PLOD2: variants seen among roughly 807,000 people sequenced by gnomAD.
PLOD2 encodes lysine hydroxylase 2.
Under a neutral mutation model 101.0 loss-of-function variants are expected in PLOD2, and 65 were observed. That is an observed-to-expected ratio of 0.64 (90% CI 0.53 to 0.79). PLOD2 has a LOEUF of 0.79. PLOD2 is among the 30% of genes least tolerant of loss of function. The pLI is 0.00. For missense variants in PLOD2, 909 were observed against 914.6 expected, an observed-to-expected ratio of 0.99 and a Z score of 0.08; for synonymous variants, 314 against 302.9, an observed-to-expected ratio of 1.04 and a Z score of -0.38.
At chr3:146,087,057 G>T (rs985818873) in intron 9 of PLOD2, 149 bp from the exon 10 acceptor site, 2 of 437,590 alleles carry the variant, frequency 4.6e-6, no homozygotes, top group African/African-American at 4.1e-5. Flanking sequence ...ATTAAACACG[G>T]TATATTTAAA....
At chr3:146,087,731 G>A (rs552732840) in intron 9 of PLOD2, among the ~76,000 whole-genome samples, 16 of 151,762 alleles carry the variant, frequency 1.1e-4, no homozygotes, top group Admixed American at 5.9e-4. Context: ...CCCCATGAAA[G>A]CAGGGAAAAT....
intron 3 of PLOD2, among the ~76,000 whole-genome samples, chr3:146,118,177 T>C (rs1028239232): frequency 2.6e-5 from 4 of 152,160 alleles, no homozygotes; most frequent in African/African-American, 9.7e-5. Context: ...TCTACAGAGC[T>C]ATTTTAATGA....
At chr3:146,092,018 TTCTACTAATATA>T (rs1936991581) in intron 7 of PLOD2, 117 bp from the exon 8 acceptor site, 1 of 685,070 alleles carries the variant, frequency 1.5e-6, no homozygotes, top group Non-Finnish European at 2.7e-6. Context: ...CCTTTAGTAA[TTCTACTAATATA>T]TCATCTGTAG....
chr3:146,129,735 C>T (rs1438789233), intron 1 of PLOD2, among the ~76,000 whole-genome samples: 3 of 152,100 alleles, frequency 2.0e-5, no homozygotes, highest in Non-Finnish European at 4.4e-5. Context: ...AGATGCTATC[C>T]AGATTGTTTT....
At chr3:146,100,070 G>A (rs974818600) in intron 7 of PLOD2, among the ~76,000 whole-genome samples, 3 of 151,680 alleles carry the variant, frequency 2.0e-5, no homozygotes, top group Non-Finnish European at 4.4e-5. Flanking sequence ...TAGTAGAGAC[G>A]GGGTTTCACC....
At chr3:146,142,830 CTT>C (rs566812925) in intron 1 of PLOD2, among the ~76,000 whole-genome samples, 41 of 152,232 alleles carry the variant, frequency 2.7e-4, no homozygotes, top group Non-Finnish European at 5.1e-4. Flanking sequence ...ATTCCAATCT[CTT>C]GTCAAACCAA....
At chr3:146,101,059 A>C (rs1937373169) in intron 7 of PLOD2, among the ~76,000 whole-genome samples, 1 of 152,056 alleles carries the variant, frequency 6.6e-6, no homozygotes, top group Non-Finnish European at 1.5e-5. Flanking sequence ...CCAAAACAAA[A>C]CCCAGGTTCT....
intron 2 of PLOD2, chr3:146,123,298 A>G: frequency 1.7e-6 from 2 of 1,183,128 alleles, no homozygotes; most frequent in Non-Finnish European, 2.1e-6. Flanking sequence ...TTATTTGTAG[A>G]AAAGACTTGG....
chr3:146,106,982 G>A (rs1286800142), intron 4 of PLOD2, among the ~76,000 whole-genome samples: 1 of 152,182 alleles, frequency 6.6e-6, no homozygotes, highest in African/African-American at 2.4e-5. Context: ...AATAGACTGA[G>A]ACAAGAATTT....
intron 2 of PLOD2, among the ~76,000 whole-genome samples, chr3:146,122,303 T>C (rs1428840153): frequency 1.3e-5 from 2 of 152,156 alleles, no homozygotes; most frequent in Admixed American, 1.3e-4. Context: ...GCATTAATAG[T>C]ACTTGCTCTA....
At chr3:146,114,034 C>G (rs779464453) in intron 3 of PLOD2, among the ~76,000 whole-genome samples, 3 of 152,096 alleles carry the variant, frequency 2.0e-5, no homozygotes, top group Admixed American at 1.3e-4. Flanking sequence ...GATGAAATAG[C>G]CCCAGTCTCT....
At chr3:146,073,070 C>CTTTT (rs1936208345) in intron 16 of PLOD2, among the ~76,000 whole-genome samples, 1 of 151,526 alleles carries the variant, frequency 6.6e-6, no homozygotes, top group Non-Finnish European at 1.5e-5. Context: ...TAGGAGCATG[C>CTTTT]TTTTTAAAAA....
rs144881583 is a variant in PLOD2, at chr3:146,076,842, A to G, written c.1617T>C (p.Thr539=). The change falls in exon 15 of 20, where the codon ACT becomes ACC. Residue 539 remains threonine (T), a synonymous_variant. Coordinates refer to ENST00000282903, the MANE Select transcript of PLOD2 (RefSeq NM_182943.3). ...NRHEFGRLLS[T]ANYNTSHYNN... is the part of the protein sequence containing the mutation. ...TATAATGGGAAGTATTGTAATTAGC[A>G]GTGGATAATAGCCTTCCAAATTCAT... 1.6e-4 allele frequency: 259 copies of G among 1,593,044 alleles called. No homozygotes were observed. The highest frequency in any genetic ancestry group is 2.0e-4 in the Non-Finnish European group (237 of 1,162,300).
At chr3:146,152,419 C>CA (rs979725983) in intron 1 of PLOD2, among the ~76,000 whole-genome samples, 87 of 140,818 alleles carry the variant, frequency 6.2e-4, no homozygotes, top group East Asian at 4.5e-3. Context: ...GACTCCGTCT[C>CA]AAAAAAAAAA....
chr3:146,086,291 A>G (rs868282507), intron 10 of PLOD2: 1 of 152,280 alleles, frequency 6.6e-6, no homozygotes, highest in African/African-American at 2.4e-5. Flanking sequence ...TTTTTTTACT[A>G]TTACTAGAGT....
chr3:146,151,784 G>A (rs185382046), intron 1 of PLOD2, among the ~76,000 whole-genome samples: 1 of 140,456 alleles, frequency 7.1e-6, no homozygotes, highest in African/African-American at 2.5e-5. Flanking sequence ...GTTTTTGTTT[G>A]TTCATTCTGG....
intron 7 of PLOD2, among the ~76,000 whole-genome samples, chr3:146,100,398 G>A (rs1192587108): frequency 1.3e-5 from 2 of 152,184 alleles, no homozygotes; most frequent in African/African-American, 2.4e-5. Flanking sequence ...CCTAGTAAGA[G>A]AGACCAGAAA....
At chr3:146,083,577 C>CTTTTT (rs869301001) in intron 11 of PLOD2, among the ~76,000 whole-genome samples, 11 of 75,778 alleles carry the variant, frequency 1.5e-4, no homozygotes, top group East Asian at 4.2e-4. Context: ...AAGTCTTTTT[C>CTTTTT]TTTTTTTTTT....
intron 3 of PLOD2, among the ~76,000 whole-genome samples, chr3:146,112,065 AG>A (rs1454838418): frequency 6.6e-6 from 1 of 152,166 alleles, no homozygotes; most frequent in African/African-American, 2.4e-5. Context: ...GAAATTTTGC[AG>A]GTAGCAGCAT....
Sources: gnomAD v4.1 joint callset for allele counts (sites outside exome capture counted in the v4.1 genomes callset) on GRCh38, gnomAD v4.1.1 for gene constraint, MANE v1.5 for transcripts, NCBI Gene and HGNC (gene_info 2026-07-23, HGNC 2026-07-21) for gene names.